TADA2A: variants seen among roughly 807,000 people sequenced by gnomAD.
TADA2A encodes transcriptional adaptor 2A, also known as transcriptional adapter 2-alpha.
Under a neutral mutation model 67.4 loss-of-function variants are expected in TADA2A, and 38 were observed. The ratio of observed to expected loss-of-function variants is 0.56; its 90% CI spans 0.44 to 0.74. The LOEUF (loss-of-function observed/expected upper bound fraction) is 0.74. TADA2A is among the 30% of genes least tolerant of loss of function. The probability of loss-of-function intolerance (pLI) is 0.00; values close to 1 mark genes in which losing one functional copy is unlikely to be tolerated. For missense variants in TADA2A, 454 were observed against 547.0 expected (o/e 0.83, Z 1.70); for synonymous variants, 192 against 181.6 (o/e 1.06, Z -0.46).
rs1325299046 is a variant in TADA2A at position 37,479,314 on chromosome 17, A to G, written c.*2332A>G. 6.6e-6 allele frequency: 1 copy of G among 152,306 alleles called. No individual in the cohort carries two copies. The highest frequency in any genetic ancestry group is 1.5e-5 in the Non-Finnish European group (1 of 68,046). 9.4% of individuals were successfully genotyped at this position (152,306 alleles called of 1,614,324 possible). On this transcript the variant is annotated 3_prime_UTR_variant, in exon 16 of 16. Coordinates refer to ENST00000615182, the MANE Select transcript of TADA2A (RefSeq NM_001166105.3). ...GTTAGGAGTGGGAGGATGGTAGGAC[A>G]GTCTGACAGAAACCTTGGAAACAGT...
chr17:37,413,523 GTATA>G (rs910379605), intron 2 of TADA2A, among the ~76,000 whole-genome samples: 3 of 151,486 alleles, frequency 2.0e-5, no homozygotes, highest in Non-Finnish European at 4.4e-5. Flanking sequence ...CTGTGTGTGT[GTATA>G]TATATGTTTT....
chr17:37,426,665 G>GAAAAAAAAAAAAAAAAAAAAAAA (rs71135723), intron 3 of TADA2A: 1 of 121,316 alleles, frequency 8.2e-6, no homozygotes, highest in African/African-American at 3.4e-5. Flanking sequence ...CTCCGTCTCA[G>GAAAAAAAAAAAAAAAAAAAAAAA]AAAAAAAAAA....
intron 8 of TADA2A, among the ~76,000 whole-genome samples, chr17:37,455,324 A>C (rs1282805621): frequency 1.4e-5 from 2 of 146,024 alleles, no homozygotes. Context: ...TAAAAAAAAA[A>C]AAAAAACCTG....
At chr17:37,419,226 A>G (rs1419780654) in intron 2 of TADA2A, among the ~76,000 whole-genome samples, 1 of 144,692 alleles carries the variant, frequency 6.9e-6, no homozygotes, top group Non-Finnish European at 1.5e-5. Context: ...GCTGGAGTGC[A>G]GTGGCATGCT....
rs763767885 is a variant in TADA2A, at chr17:37,476,964, A to G, written c.1314A>G (p.Gly438=). Residue 438 remains glycine (G), a synonymous_variant, in exon 16 of 16, where the codon GGA becomes GGG. Transcript: ENST00000615182. ...RKIYDFLIRE[G]YITKG The stretch of plus-strand genomic sequence containing the variant: ...TCTATGATTTCCTCATCAGAGAAGG[A>G]TACATCACTAAAGGCTAAGGCTCCA... 4.3e-6 allele frequency: 7 copies of G among 1,612,722 alleles called. No homozygotes were observed. In the Admixed American group the frequency reaches 1.0e-4, roughly 23 times the overall value.
intron 14 of TADA2A, among the ~76,000 whole-genome samples, chr17:37,473,923 T>G (rs562080107): frequency 6.6e-6 from 1 of 152,376 alleles, no homozygotes; most frequent in Admixed American, 6.5e-5. Flanking sequence ...AATTACCATG[T>G]TTGCCTTGTA....
At chr17:37,407,151 G>A (rs2051586034) in intron 1 of TADA2A, 2 of 149,746 alleles carry the variant, frequency 1.3e-5, no homozygotes, top group Admixed American at 6.6e-5. Context: ...GTGGGGGAGG[G>A]CGGTGTGGGG....
chr17:37,431,075 A>T (rs568970568), intron 4 of TADA2A, among the ~76,000 whole-genome samples: 2 of 152,054 alleles, frequency 1.3e-5, no homozygotes, highest in South Asian at 4.2e-4. Context: ...AACAAAAGGT[A>T]TAACAAGTTC....
In TADA2A at chr17:37,478,603, T is replaced by C. The variant is rs2074408541; in HGVS notation, c.*1621T>C. 1 of 152,232 alleles carries C rather than the reference T, an allele frequency of 6.6e-6. No homozygotes were observed. The highest frequency in any genetic ancestry group is 1.5e-5 in the Non-Finnish European group (1 of 68,048). The allele number at this position is 152,232 out of a possible 1,614,324, so 9.4% of individuals were successfully genotyped here. A position where few individuals can be genotyped will look rare whatever the true frequency, so the allele number is the denominator to read the frequency against. ...GTAAAACTTGGTCCTCAAACGTTTC[T>C]GCAGAATAAGAAGCCAAACTTATGG... is the stretch of plus-strand genomic sequence containing the variant. On this transcript the variant is annotated 3_prime_UTR_variant, in exon 16 of 16. Coordinates refer to ENST00000615182, the MANE Select transcript of TADA2A (RefSeq NM_001166105.3).
At chr17:37,455,392 G>GT (rs1231541250) in intron 8 of TADA2A, among the ~76,000 whole-genome samples, 1 of 119,738 alleles carries the variant, frequency 8.4e-6, no homozygotes, top group East Asian at 2.5e-4. Flanking sequence ...TTGTTTGTTT[G>GT]TTTTTTTGAG....
rs2052313613 is a variant in TADA2A, at chr17:37,423,624, C to G, written c.132+9C>G. On this transcript the variant is annotated intron_variant, in intron 3 of 15. Coordinates refer to ENST00000615182, the MANE Select transcript of TADA2A (RefSeq NM_001166105.3). ...TTTTCCTCTGCTTGCAGGTAACTCA[C>G]TAATGCTGGCTTCTCCTAGCCTAGT... 1 of 1,592,636 alleles carries G rather than the reference C, an allele frequency of 6.3e-7. No individual in the cohort carries two copies. Among genetic ancestry groups the G allele is most frequent in the Admixed American group, 1.8e-5 (1 of 56,812 alleles).
intron 2 of TADA2A, among the ~76,000 whole-genome samples, chr17:37,412,312 T>C (rs547669764): frequency 6.6e-6 from 1 of 152,226 alleles, no homozygotes; most frequent in Admixed American, 6.6e-5. Context: ...GATTTCTGTT[T>C]AGACCAATAA....
intron 1 of TADA2A, chr17:37,408,382 A>T (rs777622052): frequency 1.3e-5 from 2 of 152,180 alleles, no homozygotes; most frequent in Non-Finnish European, 2.9e-5. Context: ...CCTCCCAAGT[A>T]GCTGGATTAC....
At chr17:37,453,935 TA>T (rs1449658954) in intron 8 of TADA2A, among the ~76,000 whole-genome samples, 23 of 151,980 alleles carry the variant, frequency 1.5e-4, no homozygotes, top group Admixed American at 3.3e-4. Context: ...CACACCCAGC[TA>T]ATTTTTTGTA....
intron 8 of TADA2A, among the ~76,000 whole-genome samples, chr17:37,446,732 T>A (rs527791413): frequency 8.3e-4 from 127 of 152,322 alleles, no homozygotes; most frequent in African/African-American, 3.0e-3. Context: ...ATGTTAATAA[T>A]GGCTTGACTT....
At chr17:37,444,259 CAAAAAAAA>C (rs5820215) in intron 7 of TADA2A, among the ~76,000 whole-genome samples, 122 of 132,082 alleles carry the variant, frequency 9.2e-4, no homozygotes, top group Non-Finnish European at 1.6e-3. Context: ...ACCCTGTTTC[CAAAAAAAA>C]AAAAAAAAGA....
At chr17:37,461,641 G>A (rs1283284060) in intron 9 of TADA2A, among the ~76,000 whole-genome samples, 2 of 152,194 alleles carry the variant, frequency 1.3e-5, no homozygotes, top group African/African-American at 4.8e-5. Flanking sequence ...AGTGTTGTGT[G>A]AATGCACAGT....
chr17:37,472,270 T>C lies in TADA2A; in HGVS notation c.1072+1133T>C, dbSNP rs146506810. 7.4e-3 allele frequency among the ~76,000 whole-genome samples: 1,132 copies of C among 152,150 alleles called. 6 individuals are homozygous for C. The highest frequency in any genetic ancestry group is 0.026 in the African/African-American group (1,059 of 41,518). ...CAGTAGAGATGGGGTTTCGCCATGC[T>C]GGCCAGGCTGGTCTCGAACTGCTGA... On this transcript the variant is annotated intron_variant, in intron 14 of 15. Transcript: ENST00000615182.
intron 8 of TADA2A, among the ~76,000 whole-genome samples, chr17:37,453,684 C>G (rs1409965210): frequency 1.3e-5 from 2 of 150,904 alleles, no homozygotes; most frequent in Non-Finnish European, 2.9e-5. Flanking sequence ...GATTGTATTA[C>G]TCTTCAGAGT....
Sources: gnomAD v4.1 joint callset for allele counts (sites outside exome capture counted in the v4.1 genomes callset) on GRCh38, gnomAD v4.1.1 for gene constraint, MANE v1.5 for transcripts, NCBI Gene and HGNC (gene_info 2026-07-23, HGNC 2026-07-21) for gene names.